Variants in PDCD10 observed in about 807,000 individuals in gnomAD.
PDCD10 encodes programmed cell death 10, also known as programmed cell death protein 10.
A neutral mutation model predicts 29.2 loss-of-function variants in PDCD10; 4 were observed. That is an observed-to-expected ratio of 0.14 (90% CI 0.07 to 0.31). The LOEUF is 0.31. PDCD10 is among the 10% of genes least tolerant of loss of function. The pLI is 1.00. For missense variants in PDCD10, 183 were observed against 257.9 expected (o/e 0.71, Z 1.99); for synonymous variants, 70 against 82.2 (o/e 0.85, Z 0.80).
chr3:167,684,534 G>T, intron 8 of PDCD10, 145 bp from the exon 9 acceptor site: 1 of 607,516 alleles, frequency 1.6e-6, no homozygotes, highest in East Asian at 3.0e-5. Context: ...TTCCAATTTA[G>T]GATATAATAG....
intron 3 of PDCD10, among the ~76,000 whole-genome samples, chr3:167,716,798 T>A (rs1723072743): frequency 6.6e-6 from 1 of 151,958 alleles, no homozygotes; most frequent in Admixed American, 6.6e-5. Flanking sequence ...AAACCTTTGG[T>A]GACCTAAAAT....
At chr3:167,722,196 G>T (rs934251193) in intron 2 of PDCD10, among the ~76,000 whole-genome samples, 47 of 152,160 alleles carry the variant, frequency 3.1e-4, no homozygotes, top group African/African-American at 1.1e-3. Context: ...GTAAGAAATG[G>T]CAAAACAAAA....
At chr3:167,692,363 G>T (rs1347919367) in intron 6 of PDCD10, among the ~76,000 whole-genome samples, 1 of 152,132 alleles carries the variant, frequency 6.6e-6, no homozygotes, top group Non-Finnish European at 1.5e-5. Context: ...TACATTTTGT[G>T]CATACAACAA....
Position 167,734,872 on chromosome 3 carries a change from C to T in PDCD10, c.-464G>A, listed in dbSNP as rs1257677473. The stretch of plus-strand genomic sequence containing the variant: ...TCTTCAACTCCCGGATCAATTCACT[C>T]CGGCGACGCCGGAAGGACCCAAGAG... On this transcript the variant is annotated 5_prime_UTR_variant, in exon 1 of 9. Coordinates refer to ENST00000392750, the MANE Select transcript of PDCD10 (RefSeq NM_007217.4). 6.5e-6 allele frequency: 1 copy of T among 153,322 alleles called. No homozygotes were observed. The highest frequency in any genetic ancestry group is 1.5e-5 in the Non-Finnish European group (1 of 68,596). The allele number at this position is 153,322 out of a possible 1,614,324, so 9.5% of individuals were successfully genotyped here.
intron 3 of PDCD10, among the ~76,000 whole-genome samples, chr3:167,719,729 C>G (rs1368071111): frequency 1.3e-5 from 2 of 152,046 alleles, no homozygotes; most frequent in East Asian, 3.9e-4. Flanking sequence ...TAAGTGAGGC[C>G]TGTCCTGACC....
intron 2 of PDCD10, among the ~76,000 whole-genome samples, chr3:167,726,958 T>C (rs1466823937): frequency 1.3e-5 from 2 of 152,212 alleles, no homozygotes; most frequent in Non-Finnish European, 2.9e-5. Context: ...TATCTCCCAT[T>C]TGCCAAAATG....
intron 2 of PDCD10, among the ~76,000 whole-genome samples, chr3:167,724,611 G>A (rs1367660886): frequency 6.6e-6 from 1 of 152,178 alleles, no homozygotes; most frequent in Non-Finnish European, 1.5e-5. Context: ...CATGAGTTGA[G>A]ATGGGCAATT....
chr3:167,732,989 C>T (rs1224633393), intron 2 of PDCD10, among the ~76,000 whole-genome samples: 3 of 152,178 alleles, frequency 2.0e-5, no homozygotes, highest in Non-Finnish European at 2.9e-5. Flanking sequence ...CCTGATTTTA[C>T]TTCATTCTAT....
At chr3:167,689,568 T>C (rs1311812489) in intron 6 of PDCD10, among the ~76,000 whole-genome samples, 2 of 142,866 alleles carry the variant, frequency 1.4e-5, no homozygotes, top group Admixed American at 7.0e-5. Flanking sequence ...TGTTGCCTCA[T>C]GCACCTAGGG....
chr3:167,684,232 G>C lies in PDCD10; in HGVS notation c.*76C>G, dbSNP rs919807392. The C allele has an allele frequency of 3.8e-5, 32 of 838,598 alleles. No individual in the cohort carries two copies. Among genetic ancestry groups the C allele is most frequent in the Middle Eastern group, 2.7e-4 (1 of 3,680 alleles). The allele number at this position is 838,598 out of a possible 1,614,324, so 51.9% of individuals were successfully genotyped here. A position where few individuals can be genotyped will look rare whatever the true frequency, so the allele number is the denominator to read the frequency against. On this transcript the variant is annotated 3_prime_UTR_variant, in exon 9 of 9. Transcript: ENST00000392750. ...TCAGGAGGGACTGATAATTTATACAGTCAAACTTTAAAATTTACAGATAAA... is the reference window on the plus strand; with the variant it reads ...TCAGGAGGGACTGATAATTTATACACTCAAACTTTAAAATTTACAGATAAA...
chr3:167,684,218 T>A lies in PDCD10; in HGVS notation c.*90A>T. 1.3e-6 allele frequency: 1 copy of A among 768,192 alleles called. No individual in the cohort carries two copies. Among genetic ancestry groups the A allele is most frequent in the Admixed American group, 1.8e-5 (1 of 56,090 alleles). The allele number at this position is 768,192 out of a possible 1,614,324, so 47.6% of individuals were successfully genotyped here. On this transcript the variant is annotated 3_prime_UTR_variant, in exon 9 of 9. Coordinates refer to ENST00000392750, the MANE Select transcript of PDCD10 (RefSeq NM_007217.4). ...TGGATTAGATCCCTTCAGGAGGGAC[T>A]GATAATTTATACAGTCAAACTTTAA... is the stretch of plus-strand genomic sequence containing the variant.
At chr3:167,707,345 C>G (rs1722077650) in intron 3 of PDCD10, among the ~76,000 whole-genome samples, 2 of 152,094 alleles carry the variant, frequency 1.3e-5, no homozygotes, top group African/African-American at 4.8e-5. Flanking sequence ...ACTTTCCGAG[C>G]TTTAGGGATA....
intron 4 of PDCD10, among the ~76,000 whole-genome samples, chr3:167,699,524 TCTGA>T (rs1053902333): frequency 2.2e-4 from 34 of 152,224 alleles, no homozygotes; most frequent in African/African-American, 8.0e-4. Flanking sequence ...ACCAAATGGC[TCTGA>T]CTGACAAAAT....
chr3:167,689,937 A>G (rs1272484828), intron 6 of PDCD10, among the ~76,000 whole-genome samples: 2 of 152,208 alleles, frequency 1.3e-5, no homozygotes, highest in African/African-American at 4.8e-5. Context: ...TATGGCACCA[A>G]GGTGTGCACA....
At chr3:167,691,694 T>C (rs1720260143) in intron 6 of PDCD10, among the ~76,000 whole-genome samples, 2 of 152,204 alleles carry the variant, frequency 1.3e-5, no homozygotes, top group Non-Finnish European at 2.9e-5. Context: ...TGGCATTCTA[T>C]GTTAAAATAT....
chr3:167,699,128 G>A (rs1429138610), intron 4 of PDCD10, among the ~76,000 whole-genome samples: 1 of 151,994 alleles, frequency 6.6e-6, no homozygotes, highest in Non-Finnish European at 1.5e-5. Context: ...GTGCCTACTG[G>A]GCACTTCATA....
At position 167,715,673 on chromosome 3, in the gene PDCD10, T is replaced by C. The variant is rs541610164; in HGVS notation, c.96+4389A>G. 9.2e-5 allele frequency among the ~76,000 whole-genome samples: 14 copies of C among 152,100 alleles called. No individual in the cohort carries two copies. The highest frequency in any genetic ancestry group is 2.1e-4 in the South Asian group (1 of 4,826). On this transcript the variant is annotated intron_variant, in intron 3 of 8. Coordinates refer to ENST00000392750, the MANE Select transcript of PDCD10 (RefSeq NM_007217.4). Reference sequence around the variant, plus strand: ...GCATATGAAAAGGTGCTCAACATCATAGACCATCAGAGAAATGAAAATCAA... The same window carrying C: ...GCATATGAAAAGGTGCTCAACATCACAGACCATCAGAGAAATGAAAATCAA...
intron 2 of PDCD10, among the ~76,000 whole-genome samples, chr3:167,726,927 T>C (rs751926922): frequency 7.9e-5 from 12 of 152,176 alleles, no homozygotes; most frequent in Non-Finnish European, 1.3e-4. Context: ...GCCACCTACA[T>C]AGCATATTTT....
chr3:167,707,453 C>A lies in PDCD10; in HGVS notation c.97-2558G>T, dbSNP rs114722861. Reference sequence around the variant, plus strand: ...CAGCACTCTGGGAGGCCTAAGCAGGCGGATCACAAAGTCAGGAGATCGAGA... The same window carrying A: ...CAGCACTCTGGGAGGCCTAAGCAGGAGGATCACAAAGTCAGGAGATCGAGA... On this transcript the variant is annotated intron_variant, in intron 3 of 8. Transcript: ENST00000392750. Among the ~76,000 whole-genome samples the A allele has an allele frequency of 3.8e-3, 581 of 152,112 alleles. 5 individuals carry two copies. The highest frequency in any genetic ancestry group is 0.013 in the African/African-American group (555 of 41,498).
Sources: gnomAD v4.1 joint callset for allele counts (sites outside exome capture counted in the v4.1 genomes callset) on GRCh38, gnomAD v4.1.1 for gene constraint, MANE v1.5 for transcripts, NCBI Gene and HGNC (gene_info 2026-07-23, HGNC 2026-07-21) for gene names.